Variants in ALK observed in about 807,000 individuals in gnomAD.
The protein encoded by ALK is ALK receptor tyrosine kinase, also known as ALK tyrosine kinase receptor.
Under a neutral mutation model 163.1 loss-of-function variants are expected in ALK, and 74 were observed. The observed-to-expected ratio is 0.45, with a 90% confidence interval of 0.38 to 0.55. The LOEUF is 0.55. Among genes scored for constraint, ALK ranks in the 20% least tolerant of loss-of-function variants. The pLI, the probability that ALK is intolerant of heterozygous loss-of-function variation, is 0.00. For missense variants in ALK, 2,063 were observed against 2,105.3 expected (o/e 0.98, Z 0.39); for synonymous variants, 960 against 843.2 (o/e 1.14, Z -2.40).
intron 22 of ALK, among the ~76,000 whole-genome samples, chr2:29,221,547 C>T (rs1011508107): frequency 2.0e-5 from 3 of 152,130 alleles, no homozygotes; most frequent in African/African-American, 7.2e-5. Context: ...GGGTCTTCTT[C>T]AATATAATCT....
chr2:29,702,159 A>C (rs1409060388), intron 2 of ALK, among the ~76,000 whole-genome samples: 2 of 152,174 alleles, frequency 1.3e-5, no homozygotes, highest in African/African-American at 4.8e-5. Flanking sequence ...ATGTGCCATC[A>C]ACTCCTTCAA....
chr2:29,839,573 A>G (rs1480179949), intron 1 of ALK, among the ~76,000 whole-genome samples: 3 of 152,206 alleles, frequency 2.0e-5, no homozygotes, highest in Non-Finnish European at 4.4e-5. Flanking sequence ...ATCACAACAC[A>G]AGCTTTTTGT....
In ALK at chr2:29,233,614, T is replaced by C. The variant is rs1465771744; in HGVS notation, c.2438A>G (p.Glu813Gly). The C allele has an allele frequency of 6.2e-7, 1 of 1,614,240 alleles. No individual in the cohort carries two copies. The highest frequency in any genetic ancestry group is 1.1e-5 in the South Asian group (1 of 91,088). ...EEIRVNRSVH[E>G]WAGGGGGGGG... ...CCCTCCTCCTCCGCCTCCTGCCCAC[T>C]CATGCACGCTTCTGTTCACACGGAT... is the stretch of plus-strand genomic sequence containing the variant. The change falls in exon 14 of 29, where the codon GAG (glutamate) becomes GGG (glycine). Residue 813 changes from glutamate to glycine, a missense_variant. By Grantham distance (98) the Glu-to-Gly change is moderately conservative. Coordinates refer to ENST00000389048, the MANE Select transcript of ALK (RefSeq NM_004304.5).
At chr2:29,332,715 CT>C (rs2148262881) in intron 5 of ALK, among the ~76,000 whole-genome samples, 1 of 152,206 alleles carries the variant, frequency 6.6e-6, no homozygotes, top group East Asian at 1.9e-4. Flanking sequence ...CATAAAAATC[CT>C]TTTTAATGGC....
rs1667995699 is a variant in ALK at position 29,921,206 on chromosome 2, G to A, written c.-547C>T. 4.3e-6 allele frequency: 1 copy of A among 234,436 alleles called. No homozygotes were observed. Among genetic ancestry groups the A allele is most frequent in the African/African-American group, 2.2e-5 (1 of 45,380 alleles). The allele number at this position is 234,436 out of a possible 1,614,324, so 14.5% of individuals were successfully genotyped here. Reference sequence around the variant, plus strand: ...CCGGTCTGGGCGGGAACCGAGGGCGGAGGCTGCCGTCTTGCGCACCCTCAA... The same window carrying A: ...CCGGTCTGGGCGGGAACCGAGGGCGAAGGCTGCCGTCTTGCGCACCCTCAA... On this transcript the variant is annotated 5_prime_UTR_variant, in exon 1 of 29. Transcript: ENST00000389048.
intron 3 of ALK, among the ~76,000 whole-genome samples, chr2:29,649,217 T>TGAGAGAGAGAGAGAGA (rs141534978): frequency 2.8e-4 from 42 of 147,540 alleles, no homozygotes; most frequent in African/African-American, 1.0e-3. Flanking sequence ...TGTGTGTATG[T>TGAGAGAGAGAGAGAGA]GAGAGAGAGA....
chr2:29,739,995 C>T (rs955696236), intron 1 of ALK, among the ~76,000 whole-genome samples: 6 of 152,102 alleles, frequency 3.9e-5, no homozygotes, highest in Non-Finnish European at 7.3e-5. Context: ...CAAGAATTCA[C>T]TTGTAATGTT....
At chr2:29,613,192 T>G (rs1675743209) in intron 3 of ALK, among the ~76,000 whole-genome samples, 1 of 152,166 alleles carries the variant, frequency 6.6e-6, no homozygotes, top group Non-Finnish European at 1.5e-5. Flanking sequence ...CTAAAAAACT[T>G]TATTATCCCA....
At chr2:29,433,246 T>C (rs1408864229) in intron 4 of ALK, among the ~76,000 whole-genome samples, 1 of 152,198 alleles carries the variant, frequency 6.6e-6, no homozygotes, top group Non-Finnish European at 1.5e-5. Flanking sequence ...AACTTTAGCA[T>C]GCATAGAAGT....
intron 1 of ALK, among the ~76,000 whole-genome samples, chr2:29,915,860 C>T (rs139881020): frequency 2.0e-5 from 3 of 152,146 alleles, no homozygotes; most frequent in East Asian, 3.9e-4. Context: ...CAGATCGCAC[C>T]CCAGAGAAAT....
intron 3 of ALK, among the ~76,000 whole-genome samples, chr2:29,596,133 G>A (rs1049839579): frequency 3.9e-5 from 6 of 152,156 alleles, no homozygotes; most frequent in Admixed American, 1.3e-4. Flanking sequence ...AATTGCACAC[G>A]TTTGTGACTT....
intron 4 of ALK, among the ~76,000 whole-genome samples, chr2:29,519,445 T>G (rs1405449714): frequency 2.0e-5 from 3 of 152,202 alleles, no homozygotes; most frequent in Admixed American, 6.5e-5. Flanking sequence ...GGAGAGGCAG[T>G]CATGGGTGAA....
chr2:29,756,981 A>G (rs1680554224), intron 1 of ALK, among the ~76,000 whole-genome samples: 1 of 152,204 alleles, frequency 6.6e-6, no homozygotes, highest in Admixed American at 6.5e-5. Context: ...AGGGAGAGGT[A>G]AATGCTGTGA....
chr2:29,852,773 G>T (rs1170873878), intron 1 of ALK, among the ~76,000 whole-genome samples: 1 of 152,102 alleles, frequency 6.6e-6, no homozygotes, highest in East Asian at 1.9e-4. Context: ...TAGGTCATCA[G>T]GGTGGAGCCC....
intron 24 of ALK, among the ~76,000 whole-genome samples, chr2:29,211,108 A>G (rs952779057): frequency 7.2e-5 from 11 of 152,220 alleles, no homozygotes; most frequent in African/African-American, 2.7e-4. Flanking sequence ...ACTGGCTACT[A>G]GGATACTATT....
At chr2:29,401,153 G>A (rs1242757566) in intron 4 of ALK, among the ~76,000 whole-genome samples, 1 of 152,066 alleles carries the variant, frequency 6.6e-6, no homozygotes, top group Non-Finnish European at 1.5e-5. Flanking sequence ...TCCTGTCTCA[G>A]CCCCCTTCAC....
intron 4 of ALK, among the ~76,000 whole-genome samples, chr2:29,519,119 G>T (rs1434554267): frequency 6.6e-6 from 1 of 152,174 alleles, no homozygotes; most frequent in Non-Finnish European, 1.5e-5. Context: ...ACTTTTTAGA[G>T]ACAGTCATTA....
chr2:29,318,809 G>A (rs1444238116), intron 7 of ALK, among the ~76,000 whole-genome samples: 3 of 152,078 alleles, frequency 2.0e-5, no homozygotes, highest in Non-Finnish European at 4.4e-5. Context: ...CTGGTGATCT[G>A]CCCGTCTCGG....
At chr2:29,557,370 A>C (rs1296206926) in intron 3 of ALK, among the ~76,000 whole-genome samples, 1 of 152,178 alleles carries the variant, frequency 6.6e-6, no homozygotes, top group African/African-American at 2.4e-5. Flanking sequence ...AAGAATGCTG[A>C]TACTCTCTTA....
Sources: allele counts gnomAD v4.1 joint callset (sites outside exome capture counted in the v4.1 genomes callset), GRCh38; gene constraint gnomAD v4.1.1; transcripts MANE v1.5; gene names NCBI Gene and HGNC (gene_info 2026-07-23, HGNC 2026-07-21).